CDH13: variants seen among roughly 807,000 people sequenced by gnomAD.
CDH13 encodes the protein cadherin 13.
In CDH13, 24 loss-of-function variants were observed where a neutral mutation model predicts 63.8. The observed-to-expected ratio is 0.38, with a 90% CI of 0.27 to 0.53. The LOEUF (loss-of-function observed/expected upper bound fraction) is 0.53, where lower values mean the gene tolerates loss of function less well. CDH13 is among the 20% of genes least tolerant of loss of function. The probability of loss-of-function intolerance (pLI) is 0.85; values close to 1 mark genes in which losing one functional copy is unlikely to be tolerated. For synonymous variants in CDH13, 503 were observed against 355.3 expected (o/e 1.42, Z -4.67); for missense variants, 1,049 against 903.1 (o/e 1.16, Z -2.07).
chr16:83,757,205 T>G (rs1913581687), intron 11 of CDH13, among the ~76,000 whole-genome samples: 1 of 152,126 alleles, frequency 6.6e-6, no homozygotes, highest in Non-Finnish European at 1.5e-5. Context: ...AAATATGAAA[T>G]GTCAAAACTT....
intron 3 of CDH13, among the ~76,000 whole-genome samples, chr16:83,062,579 G>A (rs772687834): frequency 2.6e-5 from 4 of 152,194 alleles, no homozygotes; most frequent in Non-Finnish European, 4.4e-5. Flanking sequence ...GTAACAGGAA[G>A]CAAGGAAGTG....
intron 6 of CDH13, among the ~76,000 whole-genome samples, chr16:83,462,782 C>G (rs2073213441): frequency 6.6e-6 from 1 of 151,998 alleles, no homozygotes; most frequent in South Asian, 2.1e-4. Flanking sequence ...ATTGGAGCAC[C>G]TGGTATATAT....
chr16:83,221,033 TAA>T (rs1224945450), intron 5 of CDH13, among the ~76,000 whole-genome samples: 2 of 152,246 alleles, frequency 1.3e-5, no homozygotes, highest in East Asian at 3.8e-4. Flanking sequence ...AAATAGCTGT[TAA>T]ACAACTTTTT....
At chr16:82,989,958 A>G (rs1266081823) in intron 2 of CDH13, among the ~76,000 whole-genome samples, 1 of 151,648 alleles carries the variant, frequency 6.6e-6, no homozygotes, top group Non-Finnish European at 1.5e-5. Context: ...TTTTTTTACC[A>G]GCTCCCCTCA....
chr16:83,055,862 A>T (rs920828541), intron 3 of CDH13, among the ~76,000 whole-genome samples: 2 of 152,184 alleles, frequency 1.3e-5, no homozygotes, highest in Non-Finnish European at 2.9e-5. Context: ...TTTGACTTCA[A>T]TAAAAGTAAA....
chr16:83,552,163 G>C (rs1193974398), intron 7 of CDH13, among the ~76,000 whole-genome samples: 1 of 152,188 alleles, frequency 6.6e-6, no homozygotes, highest in Non-Finnish European at 1.5e-5. Context: ...GTGAATTCTG[G>C]AGTTCCAGGT....
chr16:82,853,186 C>G (rs1297583958), intron 1 of CDH13, among the ~76,000 whole-genome samples: 1 of 152,152 alleles, frequency 6.6e-6, no homozygotes, highest in Non-Finnish European at 1.5e-5. Context: ...TCAATCATAT[C>G]AGGCACTGAT....
chr16:83,283,847 T>C (rs186195785), intron 5 of CDH13, among the ~76,000 whole-genome samples: 7 of 152,334 alleles, frequency 4.6e-5, no homozygotes, highest in African/African-American at 1.4e-4. Context: ...TGTAATAATA[T>C]CTTTATATCC....
intron 1 of CDH13, among the ~76,000 whole-genome samples, chr16:82,819,188 G>GA (rs2037876725): frequency 6.6e-6 from 1 of 152,170 alleles, no homozygotes; most frequent in Non-Finnish European, 1.5e-5. Context: ...ATTGCTAGGT[G>GA]AGTAATCCTG....
intron 6 of CDH13, among the ~76,000 whole-genome samples, chr16:83,361,732 C>T (rs376716730): frequency 3.9e-5 from 6 of 152,058 alleles, no homozygotes; most frequent in African/African-American, 1.2e-4. Flanking sequence ...AGAGCAGATG[C>T]CTATAGGTGT....
intron 6 of CDH13, among the ~76,000 whole-genome samples, chr16:83,374,764 C>T (rs1045029998): frequency 1.3e-5 from 2 of 152,158 alleles, no homozygotes; most frequent in African/African-American, 4.8e-5. Context: ...ATGACAGGTA[C>T]CTCATTAAAG....
intron 10 of CDH13, among the ~76,000 whole-genome samples, chr16:83,747,495 TA>T (rs1360765677): frequency 5.9e-5 from 9 of 152,152 alleles, no homozygotes; most frequent in Admixed American, 1.3e-4. Flanking sequence ...CTTTCTTTTG[TA>T]AATCACTCAG....
At chr16:83,418,048 T>C (rs1465286772) in intron 6 of CDH13, among the ~76,000 whole-genome samples, 2 of 152,202 alleles carry the variant, frequency 1.3e-5, no homozygotes, top group African/African-American at 4.8e-5. Flanking sequence ...ACTTTCTCCT[T>C]TTTAATCATG....
chr16:83,676,392 C>T (rs1452351175), intron 9 of CDH13, among the ~76,000 whole-genome samples: 4 of 152,150 alleles, frequency 2.6e-5, no homozygotes, highest in African/African-American at 4.8e-5. Context: ...CCCTCAGCGT[C>T]GTCATGGCCC....
intron 5 of CDH13, among the ~76,000 whole-genome samples, chr16:83,334,248 C>G (rs765913556): frequency 6.6e-6 from 1 of 151,840 alleles, no homozygotes; most frequent in Non-Finnish European, 1.5e-5. Flanking sequence ...TTCTGTCTGT[C>G]TGTCTCTCTC....
At chr16:82,924,210 C>CA (rs2042238718) in intron 2 of CDH13, among the ~76,000 whole-genome samples, 1 of 152,132 alleles carries the variant, frequency 6.6e-6, no homozygotes. Flanking sequence ...TCGAGGTTAG[C>CA]AAAACAGAAG....
intron 4 of CDH13, chr16:83,171,646 A>G (rs2037922524): frequency 8.3e-7 from 1 of 1,208,794 alleles, no homozygotes; most frequent in African/African-American, 1.5e-5. Context: ...CCTATATGCC[A>G]TCAGGGGATT....
At chr16:83,496,306 A>C (rs1347761540) in intron 7 of CDH13, among the ~76,000 whole-genome samples, 153 of 146,738 alleles carry the variant, frequency 1.0e-3, no homozygotes, top group African/African-American at 3.6e-3. Flanking sequence ...TGGTACCAAA[A>C]CAGAGATATA....
chr16:83,504,879 G>T (rs2074361366), intron 7 of CDH13, among the ~76,000 whole-genome samples: 3 of 152,222 alleles, frequency 2.0e-5, no homozygotes, highest in African/African-American at 7.2e-5. Context: ...GTCCTGCCAG[G>T]TAAGTCTCAT....
Sources: allele counts gnomAD v4.1 joint callset (sites outside exome capture counted in the v4.1 genomes callset), GRCh38; gene constraint gnomAD v4.1.1; transcripts MANE v1.5; gene names NCBI Gene and HGNC (gene_info 2026-07-23, HGNC 2026-07-21).